Variants in EPS15L1 observed in about 807,000 individuals in gnomAD.
The protein encoded by EPS15L1 is epidermal growth factor receptor pathway substrate 15 like 1.
A neutral mutation model predicts 117.1 loss-of-function variants in EPS15L1; 43 were observed. That is an observed-to-expected ratio of 0.37 (90% CI 0.29 to 0.47). The LOEUF (loss-of-function observed/expected upper bound fraction) is 0.47, where lower values mean the gene tolerates loss of function less well. Among genes scored for constraint, EPS15L1 ranks in the 20% least tolerant of loss-of-function variants. The probability of loss-of-function intolerance (pLI) is 0.99; values close to 1 mark genes in which losing one functional copy is unlikely to be tolerated. For synonymous variants in EPS15L1, 459 were observed against 470.5 expected (o/e 0.98, Z 0.32); for missense variants, 981 against 1,164.0 (o/e 0.84, Z 2.29).
chr19:16,393,925 C>A (rs2092511681), intron 18 of EPS15L1, 26 bp downstream of exon 18: 1 of 1,612,246 alleles, frequency 6.2e-7, no homozygotes, highest in Non-Finnish European at 8.5e-7. Flanking sequence ...AGTCTAAAGA[C>A]CGGTCCGGGA....
intron 18 of EPS15L1, among the ~76,000 whole-genome samples, chr19:16,393,663 T>TA (rs1220466792): frequency 2.1e-5 from 3 of 141,102 alleles, no homozygotes; most frequent in Non-Finnish European, 3.0e-5. Context: ...AAAAAAAAAA[T>TA]AAAAAATAAA....
intron 1 of EPS15L1, among the ~76,000 whole-genome samples, chr19:16,469,586 AG>A (rs200651044): frequency 0.011 from 1,739 of 152,294 alleles, 22 homozygotes; most frequent in Non-Finnish European, 0.015. Context: ...GTTGATATTC[AG>A]GGTCAGAAAA....
chr19:16,365,797 A>G lies in EPS15L1; in HGVS notation c.2381-3813T>C, dbSNP rs2092125479. Among the ~76,000 whole-genome samples the G allele has an allele frequency of 6.6e-6, 1 of 152,178 alleles. No individual in the cohort carries two copies. The highest frequency in any genetic ancestry group is 6.5e-5 in the Admixed American group (1 of 15,280). ...CACGGCTGAGGGTCAGCTCTGTGAAAAGCGGGCCCAGCATACCACAAATGC... is the reference window on the plus strand; with the variant it reads ...CACGGCTGAGGGTCAGCTCTGTGAAGAGCGGGCCCAGCATACCACAAATGC... On this transcript the variant is annotated intron_variant, in intron 22 of 23. Coordinates refer to ENST00000455140, the MANE Select transcript of EPS15L1 (RefSeq NM_001258374.3). The surrounding 1 kb of genome is among the most constrained non-coding windows in gnomAD (Gnocchi z 4.9).
At chr19:16,463,704 A>G (rs1427417589) in intron 1 of EPS15L1, among the ~76,000 whole-genome samples, 1 of 152,190 alleles carries the variant, frequency 6.6e-6, no homozygotes, top group East Asian at 1.9e-4. Context: ...TGGTTGGGGA[A>G]GACAGACCAT....
At chr19:16,428,414 GGGAAGGAAGGAAGGAA>G (rs770246482) in intron 8 of EPS15L1, among the ~76,000 whole-genome samples, 7 of 133,220 alleles carry the variant, frequency 5.3e-5, no homozygotes, top group Admixed American at 3.0e-4. Context: ...AAGGGAGGGA[GGGAAGGAAGGAAGGAA>G]GGAAGGAAGG....
chr19:16,413,085 G>A (rs1213121633), intron 13 of EPS15L1: 10 of 691,212 alleles, frequency 1.4e-5, no homozygotes, highest in South Asian at 2.9e-5. Context: ...TGTTGCTATC[G>A]GGGACTACAA....
chr19:16,431,969 G>A (rs965718573), intron 7 of EPS15L1, among the ~76,000 whole-genome samples: 1 of 152,222 alleles, frequency 6.6e-6, no homozygotes, highest in African/African-American at 2.4e-5. Flanking sequence ...GTAGTCGTGG[G>A]ACGTGAAACC....
chr19:16,463,223 C>A (rs2093270664), intron 1 of EPS15L1, among the ~76,000 whole-genome samples: 1 of 152,148 alleles, frequency 6.6e-6, no homozygotes, highest in African/African-American at 2.4e-5. Flanking sequence ...ACAGCCACAG[C>A]CCACCAGGCT....
At chr19:16,425,587 G>T (rs2144974723) in intron 8 of EPS15L1, among the ~76,000 whole-genome samples, 1 of 152,294 alleles carries the variant, frequency 6.6e-6, no homozygotes, top group Non-Finnish European at 1.5e-5. Flanking sequence ...CACCACTCAG[G>T]GAGGCCACCA....
At chr19:16,399,597 T>C (rs1285513541) in intron 16 of EPS15L1, among the ~76,000 whole-genome samples, 1 of 152,082 alleles carries the variant, frequency 6.6e-6, no homozygotes. Context: ...TTCTGCCAAT[T>C]CCTGTGGTGT....
At chr19:16,409,937 C>CAAA (rs140859526) in intron 13 of EPS15L1, among the ~76,000 whole-genome samples, 3 of 45,044 alleles carry the variant, frequency 6.7e-5, no homozygotes, top group East Asian at 6.4e-4. Flanking sequence ...GACTCTGTCT[C>CAAA]AAAAAAAAAA....
intron 19 of EPS15L1, among the ~76,000 whole-genome samples, chr19:16,386,628 T>A (rs2092423241): frequency 6.6e-6 from 1 of 152,170 alleles, no homozygotes; most frequent in African/African-American, 2.4e-5. Context: ...CACCAGAGGA[T>A]GGAGCCCAGA....
intron 23 of EPS15L1, among the ~76,000 whole-genome samples, chr19:16,361,253 A>C (rs1460364950): frequency 5.6e-5 from 2 of 35,994 alleles, no homozygotes; most frequent in Non-Finnish European, 1.8e-4. Flanking sequence ...GAAATTTAAA[A>C]GCTTTAAAAA....
In EPS15L1 at chr19:16,403,876, C is replaced by T; in HGVS notation, c.1483G>A (p.Glu495Lys). ...GACTTGGCTCGGTTCAGATCGTCTTCCTGGGACTTTAAGTCAGATTCCTGA... is the reference window on the plus strand; with the variant it reads ...GACTTGGCTCGGTTCAGATCGTCTTTCTGGGACTTTAAGTCAGATTCCTGA... ...QSQESDLKSQ[E>K]DDLNRAKSEL... Residue 495 changes from glutamate to lysine, a missense_variant, in exon 15 of 24, where the codon GAA becomes AAA. Coordinates refer to ENST00000455140, the MANE Select transcript of EPS15L1 (RefSeq NM_001258374.3). 6.2e-7 allele frequency: 1 copy of T among 1,614,136 alleles called. No individual in the cohort carries two copies. Among genetic ancestry groups the T allele is most frequent in the Non-Finnish European group, 8.5e-7 (1 of 1,180,030 alleles).
At chr19:16,393,866 T>C (rs1398270038) in intron 18 of EPS15L1, 85 bp downstream of exon 18, 19 of 1,325,352 alleles carry the variant, frequency 1.4e-5, no homozygotes, top group South Asian at 2.3e-5. Flanking sequence ...CCCCGGTGTA[T>C]GTGGACACAA....
chr19:16,434,887 T>C (rs1242759694), intron 6 of EPS15L1: 1 of 159,580 alleles, frequency 6.3e-6, no homozygotes, highest in Non-Finnish European at 1.4e-5. Context: ...CAGATGTTAG[T>C]GCTTGAGCAA....
At chr19:16,373,382 C>T (rs1453999284) in intron 22 of EPS15L1, among the ~76,000 whole-genome samples, 1 of 151,918 alleles carries the variant, frequency 6.6e-6, no homozygotes, top group Non-Finnish European at 1.5e-5. Flanking sequence ...GCAGAAAAAG[C>T]CTGGGGTAGC....
At chr19:16,411,974 C>T (rs1337088386) in intron 13 of EPS15L1, among the ~76,000 whole-genome samples, 4 of 152,234 alleles carry the variant, frequency 2.6e-5, no homozygotes, top group African/African-American at 9.6e-5. Flanking sequence ...GCTGGGATTA[C>T]AGGTGTGAGC....
intron 1 of EPS15L1, among the ~76,000 whole-genome samples, chr19:16,463,328 C>T (rs929093656): frequency 6.6e-6 from 1 of 152,178 alleles, no homozygotes; most frequent in Non-Finnish European, 1.5e-5. Context: ...CTTCCCCCTG[C>T]TTCCTCTCCC....
Sources: gnomAD v4.1 joint callset for allele counts (sites outside exome capture counted in the v4.1 genomes callset) on GRCh38, gnomAD v4.1.1 for gene constraint, Gnocchi (gnomAD v3.1) non-coding constraint, MANE v1.5 for transcripts, NCBI Gene and HGNC (gene_info 2026-07-23, HGNC 2026-07-21) for gene names.